TRAPPC9: variants seen among roughly 807,000 people sequenced by gnomAD.
The protein encoded by TRAPPC9 is trafficking protein particle complex subunit 9, also known as IKK2 binding protein.
Under a neutral mutation model 124.0 loss-of-function variants are expected in TRAPPC9, and 83 were observed. The observed-to-expected ratio is 0.67, with a 90% confidence interval of 0.56 to 0.80. TRAPPC9 has a LOEUF of 0.80. TRAPPC9 is among the 30% of genes least tolerant of loss of function. The pLI is 0.00. For missense variants in TRAPPC9, 1,302 were observed against 1,508.3 expected (o/e 0.86, Z 2.27); for synonymous variants, 638 against 617.5 (o/e 1.03, Z -0.49).
intron 21 of TRAPPC9, among the ~76,000 whole-genome samples, chr8:139,785,577 C>CACAA (rs1468949045): frequency 1.5e-4 from 22 of 146,070 alleles, no homozygotes; most frequent in Admixed American, 6.9e-4. Context: ...CACACACACA[C>CACAA]AATTAGCTGG....
At chr8:140,009,435 T>C (rs1838977056) in intron 18 of TRAPPC9, among the ~76,000 whole-genome samples, 1 of 152,252 alleles carries the variant, frequency 6.6e-6, no homozygotes. Flanking sequence ...ATTTTACATT[T>C]ATTTATACTT....
At chr8:140,039,609 T>A (rs1330782975) in intron 17 of TRAPPC9, 1 of 152,250 alleles carries the variant, frequency 6.6e-6, no homozygotes, top group Non-Finnish European at 1.5e-5. Flanking sequence ...ACTTGACTTT[T>A]TCTTCTTCGA....
chr8:140,249,225 TTA>T (rs1413754385), intron 16 of TRAPPC9, among the ~76,000 whole-genome samples: 6 of 152,270 alleles, frequency 3.9e-5, no homozygotes, highest in East Asian at 1.9e-4. Flanking sequence ...GCTGCCACCT[TTA>T]TGTCTGTGAG....
intron 18 of TRAPPC9, among the ~76,000 whole-genome samples, chr8:140,006,405 G>A (rs928865703): frequency 6.6e-6 from 1 of 152,174 alleles, no homozygotes; most frequent in East Asian, 1.9e-4. Flanking sequence ...CTATGGGAAT[G>A]TAAAATGGTG....
At chr8:139,929,507 G>A (rs561455364) in intron 19 of TRAPPC9, among the ~76,000 whole-genome samples, 94 of 150,672 alleles carry the variant, frequency 6.2e-4, no homozygotes, top group African/African-American at 2.1e-3. Context: ...AGGCCGAGGT[G>A]GGCGGATCAT....
intron 17 of TRAPPC9, among the ~76,000 whole-genome samples, chr8:140,058,107 G>T (rs1342890032): frequency 6.6e-6 from 1 of 152,202 alleles, no homozygotes; most frequent in Admixed American, 6.5e-5. Context: ...ACACTGTCCT[G>T]TTTGGTTTTA....
At position 140,134,391 on chromosome 8, in the gene TRAPPC9, C is replaced by T. The variant is rs371947143; in HGVS notation, c.2556+87068G>A. On this transcript the variant is annotated intron_variant, in intron 17 of 22. Transcript: ENST00000438773. ...AAGCGATTCTCCTGCCTCAGCCTCC[C>T]GAGTAGTGGGATTACAGGTGCTTGT... 3.0e-4 allele frequency among the ~76,000 whole-genome samples: 45 copies of T among 152,204 alleles called. No individual in the cohort carries two copies. In the East Asian group the frequency reaches 7.0e-3, roughly 24 times the overall value.
chr8:139,799,444 T>C (rs2130664374), intron 21 of TRAPPC9, among the ~76,000 whole-genome samples: 1 of 152,334 alleles, frequency 6.6e-6, no homozygotes, highest in East Asian at 1.9e-4. Context: ...AGGATAACCC[T>C]GTAGACACAT....
intron 21 of TRAPPC9, among the ~76,000 whole-genome samples, chr8:139,830,410 C>G (rs552373575): frequency 6.8e-4 from 104 of 151,956 alleles, no homozygotes; most frequent in Non-Finnish European, 1.1e-3. Flanking sequence ...TGAGCATACA[C>G]CTGCAAATGA....
intron 18 of TRAPPC9, among the ~76,000 whole-genome samples, chr8:140,002,227 A>T (rs951720329): frequency 4.8e-5 from 7 of 147,192 alleles, no homozygotes; most frequent in African/African-American, 1.7e-4. Flanking sequence ...TTCATGATTT[A>T]AAAAAAAAAG....
At chr8:139,836,201 G>A (rs1248227878) in intron 21 of TRAPPC9, among the ~76,000 whole-genome samples, 1 of 152,090 alleles carries the variant, frequency 6.6e-6, no homozygotes, top group African/African-American at 2.4e-5. Flanking sequence ...TAGAGACGGG[G>A]TTTCATCACG....
At chr8:139,889,792 G>C (rs1171840677) in intron 20 of TRAPPC9, among the ~76,000 whole-genome samples, 1 of 152,192 alleles carries the variant, frequency 6.6e-6, no homozygotes, top group African/African-American at 2.4e-5. Flanking sequence ...AGGAGCTCAG[G>C]AAGCACTGGA....
chr8:140,322,256 A>G (rs1228452551), intron 9 of TRAPPC9, among the ~76,000 whole-genome samples: 1 of 152,250 alleles, frequency 6.6e-6, no homozygotes, highest in African/African-American at 2.4e-5. Flanking sequence ...CCAGACCCCA[A>G]GCCAACAGAA....
At chr8:140,021,564 GCTTCCGGTTT>G (rs1839839964) in intron 18 of TRAPPC9, among the ~76,000 whole-genome samples, 1 of 151,976 alleles carries the variant, frequency 6.6e-6, no homozygotes, top group South Asian at 2.1e-4. Flanking sequence ...CCTTTATATA[GCTTCCGGTTT>G]CCATTTGCTT....
At chr8:140,230,336 C>A (rs1056693632) in intron 16 of TRAPPC9, among the ~76,000 whole-genome samples, 1 of 152,080 alleles carries the variant, frequency 6.6e-6, no homozygotes, top group African/African-American at 2.4e-5. Context: ...GGGCTGGGCA[C>A]GGTGGCTCAT....
At chr8:140,230,647 G>A (rs1304417738) in intron 16 of TRAPPC9, among the ~76,000 whole-genome samples, 2 of 151,926 alleles carry the variant, frequency 1.3e-5, no homozygotes, top group South Asian at 2.1e-4. Flanking sequence ...GTTGACACAC[G>A]CCTGTAATCC....
At chr8:139,812,722 C>T (rs1287139185) in intron 21 of TRAPPC9, among the ~76,000 whole-genome samples, 1 of 152,154 alleles carries the variant, frequency 6.6e-6, no homozygotes, top group African/African-American at 2.4e-5. Flanking sequence ...ATTTTCTGCA[C>T]CCCCAAAAGA....
intron 17 of TRAPPC9, among the ~76,000 whole-genome samples, chr8:140,132,215 T>A (rs2061220726): frequency 6.6e-6 from 1 of 152,138 alleles, no homozygotes; most frequent in African/African-American, 2.4e-5. Flanking sequence ...CAGTCCTCCG[T>A]CCAAAGGCTG....
At chr8:140,069,245 G>A (rs754938130) in intron 17 of TRAPPC9, among the ~76,000 whole-genome samples, 3 of 152,156 alleles carry the variant, frequency 2.0e-5, no homozygotes, top group Non-Finnish European at 4.4e-5. Flanking sequence ...TAGCAGTGGC[G>A]CAGAAACCTC....
Sources: allele counts gnomAD v4.1 joint callset (sites outside exome capture counted in the v4.1 genomes callset), GRCh38; gene constraint gnomAD v4.1.1; transcripts MANE v1.5; gene names NCBI Gene and HGNC (gene_info 2026-07-23, HGNC 2026-07-21).